ECI1: variants seen among roughly 807,000 people sequenced by gnomAD.
ECI1 encodes the protein enoyl-CoA delta isomerase 1.
ECI1 carries 34 observed loss-of-function variants against 34.2 expected under a neutral mutation model. That is an observed-to-expected ratio of 1.00 (90% CI 0.76 to 1.33). The LOEUF (loss-of-function observed/expected upper bound fraction) is 1.33. Ranked by LOEUF, ECI1 falls within the 40% of genes most tolerant of loss-of-function variation. The pLI is 0.00. For missense variants in ECI1, 456 were observed against 422.2 expected, an observed-to-expected ratio of 1.08 and a Z score of -0.70; for synonymous variants, 211 against 193.0, an observed-to-expected ratio of 1.09 and a Z score of -0.77.
chr16:2,246,840 G>A lies in ECI1; in HGVS notation c.294+19C>T. 6.2e-7 allele frequency: 1 copy of A among 1,611,768 alleles called. No individual in the cohort carries two copies. The highest frequency in any genetic ancestry group is 8.5e-7 in the Non-Finnish European group (1 of 1,179,966). On this transcript the variant is annotated intron_variant, in intron 3 of 6. Transcript: ENST00000301729. ...GGCCAAGAACTCGGGCTGGGGTAGG[G>A]AGCTGAACTAGCACCTACCGAGGTC...
intron 2 of ECI1, among the ~76,000 whole-genome samples, chr16:2,249,217 T>G (rs2093547136): frequency 6.6e-6 from 1 of 151,850 alleles, no homozygotes; most frequent in Non-Finnish European, 1.5e-5. Context: ...GGCTAATTTT[T>G]TTTTGTATTT....
chr16:2,240,825 T>G (rs1218318672), intron 6 of ECI1: 1 of 152,040 alleles, frequency 6.6e-6, no homozygotes, highest in Admixed American at 6.6e-5. Context: ...GCCTCCTGAG[T>G]AGCTGGGATT....
Position 2,246,867 on chromosome 16 carries a change from G to C in ECI1, c.286C>G (p.Leu96Val). The change falls in exon 3 of 7, where the codon CTG becomes GTG. Residue 96 changes from leucine to valine, a missense_variant. By Grantham distance (32) the Leu-to-Val change is conservative. Transcript: ENST00000301729. ...ENDKSFRGVI[L>V]TSDRPGVFSA... ...GCTGAACTAGCACCTACCGAGGTCA[G>C]AATGACACCGCGGAAGCTCTTGTCA... The C allele has an allele frequency of 3.1e-6, 5 of 1,612,842 alleles. No homozygotes were observed. The highest frequency in any genetic ancestry group is 4.2e-6 in the Non-Finnish European group (5 of 1,180,016).
intron 6 of ECI1, 22 bp downstream of exon 6, chr16:2,243,024 C>G (rs748989261): frequency 6.3e-7 from 1 of 1,592,416 alleles, no homozygotes; most frequent in African/African-American, 1.3e-5. Context: ...TCATCGGGCG[C>G]CCGCCATGCC....
At chr16:2,249,638 G>A (rs1435910866) in intron 2 of ECI1, among the ~76,000 whole-genome samples, 3 of 151,262 alleles carry the variant, frequency 2.0e-5, no homozygotes, top group Admixed American at 6.6e-5. Context: ...TTGGGAGGCC[G>A]AGGCGGGTGG....
At chr16:2,244,970 G>A (rs2093536912) in intron 3 of ECI1, among the ~76,000 whole-genome samples, 1 of 152,228 alleles carries the variant, frequency 6.6e-6, no homozygotes, top group African/African-American at 2.4e-5. Flanking sequence ...GGACCCCCGT[G>A]TGGACCAGGA....
intron 2 of ECI1, among the ~76,000 whole-genome samples, chr16:2,250,576 C>T (rs924229132): frequency 6.6e-6 from 1 of 152,300 alleles, no homozygotes; most frequent in Admixed American, 6.5e-5. Flanking sequence ...GGCGCCTAGG[C>T]GTGCCCTCTC....
intron 6 of ECI1, 42 bp downstream of exon 6, chr16:2,243,004 C>A: frequency 6.6e-7 from 1 of 1,523,814 alleles, no homozygotes; most frequent in Non-Finnish European, 9.0e-7. Flanking sequence ...ACCTTCTGGT[C>A]TCCCCAGCAT....
At chr16:2,245,360 T>C (rs2093537919) in intron 3 of ECI1, among the ~76,000 whole-genome samples, 1 of 152,198 alleles carries the variant, frequency 6.6e-6, no homozygotes, top group Non-Finnish European at 1.5e-5. Context: ...CCGCCCTGTC[T>C]GCAGGAAGGA....
chr16:2,241,042 C>T (rs1048806200), intron 6 of ECI1: 1 of 151,828 alleles, frequency 6.6e-6, no homozygotes, highest in African/African-American at 2.4e-5. Context: ...AATATTTCCA[C>T]GACGCAGGAG....
At chr16:2,241,049 G>A (rs1489190686) in intron 6 of ECI1, 1 of 151,992 alleles carries the variant, frequency 6.6e-6, no homozygotes, top group Non-Finnish European at 1.5e-5. Context: ...CCACGACGCA[G>A]GAGGCTGAGG....
intron 4 of ECI1, 34 bp downstream of exon 4, chr16:2,244,372 G>A (rs368708095): frequency 1.5e-4 from 234 of 1,607,604 alleles, no homozygotes; most frequent in Non-Finnish European, 1.1e-4. Flanking sequence ...GCCCAGAACA[G>A]CCAGCGAGGC....
intron 2 of ECI1, among the ~76,000 whole-genome samples, chr16:2,250,610 T>C (rs1480155726): frequency 6.6e-6 from 1 of 152,172 alleles, no homozygotes; most frequent in African/African-American, 2.4e-5. Context: ...CGGCCTCCTG[T>C]CTGGAGGGAG....
intron 4 of ECI1, chr16:2,244,017 C>G: frequency 2.8e-6 from 1 of 352,148 alleles, no homozygotes; most frequent in Non-Finnish European, 5.5e-6. Flanking sequence ...GCAGGACACC[C>G]TGGTTCCTGA....
chr16:2,242,008 C>T (rs1028294898), intron 6 of ECI1, among the ~76,000 whole-genome samples: 35 of 152,156 alleles, frequency 2.3e-4, no homozygotes, highest in African/African-American at 7.5e-4. Context: ...TACAGGCGCC[C>T]GCCGCCACAC....
chr16:2,249,858 C>A (rs1344379642), intron 2 of ECI1, among the ~76,000 whole-genome samples: 2 of 101,224 alleles, frequency 2.0e-5, no homozygotes, highest in Non-Finnish European at 3.6e-5. Flanking sequence ...AGCCTGGCGA[C>A]AGAGCAAGAC....
chr16:2,248,698 G>A (rs1455351505), intron 2 of ECI1, among the ~76,000 whole-genome samples: 3 of 152,208 alleles, frequency 2.0e-5, no homozygotes, highest in Non-Finnish European at 4.4e-5. Context: ...ATAGGTATGA[G>A]CCACTGTGCC....
chr16:2,250,532 G>C (rs932906797), intron 2 of ECI1, among the ~76,000 whole-genome samples: 9 of 152,136 alleles, frequency 5.9e-5, no homozygotes, highest in Non-Finnish European at 1.0e-4. Flanking sequence ...GCACCGGGAG[G>C]TCCAGGTCAG....
In ECI1 at chr16:2,246,860, G is replaced by A. The variant is rs148482178; in HGVS notation, c.293C>T (p.Ser98Leu). The change falls in exon 3 of 7, where the codon TCG (serine) becomes TTG (leucine). Residue 98 changes from serine to leucine, a missense_variant and splice_region_variant. Ser to Leu is a moderately radical substitution (Grantham distance 145). Transcript: ENST00000301729. ...GTAGGGAGCTGAACTAGCACCTACC[G>A]AGGTCAGAATGACACCGCGGAAGCT... ...DKSFRGVILT[S>L]DRPGVFSAGL... The A allele has an allele frequency of 1.4e-5, 23 of 1,612,468 alleles. No individual in the cohort carries two copies. The highest frequency in any genetic ancestry group is 5.3e-5 in the African/African-American group (4 of 74,884).
Sources: allele counts gnomAD v4.1 joint callset (sites outside exome capture counted in the v4.1 genomes callset), GRCh38; gene constraint gnomAD v4.1.1; transcripts MANE v1.5; gene names NCBI Gene and HGNC (gene_info 2026-07-23, HGNC 2026-07-21).